Variants in PCDH15 observed in about 807,000 individuals in gnomAD.
PCDH15 encodes protocadherin related 15, also known as protocadherin-15.
A neutral mutation model predicts 178.5 loss-of-function variants in PCDH15; 129 were observed. That is an observed-to-expected ratio of 0.72 (90% CI 0.63 to 0.84). PCDH15 has a LOEUF of 0.84. PCDH15 is among the 40% of genes least tolerant of loss of function. The pLI, the probability that PCDH15 is intolerant of heterozygous loss-of-function variation, is 0.00. For synonymous variants in PCDH15, 800 were observed against 732.0 expected, an observed-to-expected ratio of 1.09 and a Z score of -1.50; for missense variants, 2,230 against 2,099.9, an observed-to-expected ratio of 1.06 and a Z score of -1.21.
chr10:55,438,084 C>G (rs1249587978), intron 2 of PCDH15, among the ~76,000 whole-genome samples: 4 of 152,058 alleles, frequency 2.6e-5, no homozygotes, highest in Middle Eastern at 3.4e-3. Context: ...ATCCTCCTAC[C>G]TCAGCCTCCC....
intron 21 of PCDH15, among the ~76,000 whole-genome samples, chr10:53,977,445 C>T (rs1564911321): frequency 1.3e-5 from 2 of 152,322 alleles, no homozygotes; most frequent in East Asian, 3.9e-4. Context: ...CAAGCTTGAT[C>T]CTAGACCAAA....
chr10:54,833,571 C>A (rs745876278), intron 3 of PCDH15, among the ~76,000 whole-genome samples: 2 of 152,158 alleles, frequency 1.3e-5, no homozygotes, highest in Non-Finnish European at 2.9e-5. Context: ...TAACTTTTGT[C>A]TGAATTTTCA....
Position 53,978,470 on chromosome 10 carries a change from G to A in PCDH15, c.2869-16578C>T, listed in dbSNP as rs571047423. Among the ~76,000 whole-genome samples the A allele has an allele frequency of 4.6e-5, 7 of 152,098 alleles. No homozygotes were observed. The South Asian group carries it at 1.5e-3, about 32-fold the overall frequency. On this transcript the variant is annotated intron_variant, in intron 21 of 37. Transcript: ENST00000644397. ...GTCCTGAGGCTATACACAGCAGGGG[G>A]GTCCCTGGACCCAGCCCAGGAAACC...
chr10:54,717,578 T>G (rs1187659001), intron 1 of PCDH15, among the ~76,000 whole-genome samples: 1 of 139,550 alleles, frequency 7.2e-6, no homozygotes, highest in African/African-American at 2.7e-5. Context: ...CTCACACCAG[T>G]TAGAATGGCA....
chr10:53,824,152 A>T (rs946576130), intron 32 of PCDH15, among the ~76,000 whole-genome samples: 53 of 152,262 alleles, frequency 3.5e-4, no homozygotes, highest in African/African-American at 1.2e-3. Flanking sequence ...GCTAAAAAAA[A>T]AAATCACTTT....
At chr10:54,356,504 C>T (rs116813857) in intron 5 of PCDH15, among the ~76,000 whole-genome samples, 2,650 of 151,384 alleles carry the variant, frequency 0.018, 84 homozygotes, top group African/African-American at 0.061. Context: ...ATATAGTATA[C>T]ATTATATATA....
intron 3 of PCDH15, among the ~76,000 whole-genome samples, chr10:54,469,526 G>C (rs533216289): frequency 6.6e-6 from 1 of 152,284 alleles, no homozygotes; most frequent in African/African-American, 2.4e-5. Context: ...ATACATGCAG[G>C]TGGTGGTGAA....
At chr10:55,533,883 T>C (rs776612343) in intron 2 of PCDH15, among the ~76,000 whole-genome samples, 10 of 151,836 alleles carry the variant, frequency 6.6e-5, no homozygotes, top group Non-Finnish European at 1.3e-4. Flanking sequence ...CAAAAACAGA[T>C]ACATAGACCA....
chr10:54,429,192 CAAGTGTAGAAT>C (rs1956658752), intron 3 of PCDH15, among the ~76,000 whole-genome samples: 1 of 152,042 alleles, frequency 6.6e-6, no homozygotes, highest in Non-Finnish European at 1.5e-5. Flanking sequence ...GGGAGATTTT[CAAGTGTAGAAT>C]TTTTATTAGG....
In PCDH15 at chr10:53,970,512, A is replaced by T. The variant is rs573035451; in HGVS notation, c.2869-8620T>A. 1.2e-3 allele frequency among the ~76,000 whole-genome samples: 175 copies of T among 142,924 alleles called. 1 individual carries two copies. Among genetic ancestry groups the T allele is most frequent in the South Asian group, 4.6e-3 (21 of 4,558 alleles). The allele number at this position is 142,924 out of a possible 152,430, so 93.8% of individuals were successfully genotyped here. On this transcript the variant is annotated intron_variant, in intron 21 of 37. Coordinates refer to ENST00000644397, the MANE Select transcript of PCDH15 (RefSeq NM_001384140.1). Reference sequence around the variant, plus strand: ...ATGAATCCAGGAGCTGTTTTTTTTTAAAAAATCAACTAAATTGATAGACTG... The same window carrying T: ...ATGAATCCAGGAGCTGTTTTTTTTTTAAAAATCAACTAAATTGATAGACTG...
rs767787349 is a variant in PCDH15, at chr10:53,808,945, C to T, written c.4671+1611G>A. ...TGTACTTTCTTCCACAGGGGCTGGT[C>T]CACTTTCTTCTTCTTCTGAGTGTTC... On this transcript the variant is annotated intron_variant, in intron 37 of 37. Coordinates refer to ENST00000644397, the MANE Select transcript of PCDH15 (RefSeq NM_001384140.1). The T allele has an allele frequency of 1.0e-5, 16 of 1,560,178 alleles. No individual in the cohort carries two copies. The Admixed American group carries it at 1.6e-4, about 15-fold the overall frequency.
intron 8 of PCDH15, among the ~76,000 whole-genome samples, chr10:54,309,044 T>C (rs1186494384): frequency 1.3e-5 from 2 of 152,030 alleles, no homozygotes; most frequent in African/African-American, 2.4e-5. Context: ...CCCTCTTCAT[T>C]GATCACTTTG....
chr10:53,947,512 T>C (rs1374440395), intron 23 of PCDH15, among the ~76,000 whole-genome samples: 1 of 152,010 alleles, frequency 6.6e-6, no homozygotes, highest in Non-Finnish European at 1.5e-5. Flanking sequence ...ACTGTTTTTC[T>C]ACCTACTATG....
chr10:55,053,687 C>T (rs1235994774), intron 2 of PCDH15, among the ~76,000 whole-genome samples: 2 of 152,072 alleles, frequency 1.3e-5, no homozygotes, highest in Non-Finnish European at 2.9e-5. Flanking sequence ...TACTCTGAGC[C>T]TCAGTTTCTT....
At chr10:53,972,065 G>A (rs1328211947) in intron 21 of PCDH15, among the ~76,000 whole-genome samples, 2 of 152,122 alleles carry the variant, frequency 1.3e-5, no homozygotes, top group Non-Finnish European at 2.9e-5. Context: ...ACCAAAAACA[G>A]CATGATACTG....
chr10:55,416,557 CA>C (rs1355657911), intron 2 of PCDH15, among the ~76,000 whole-genome samples: 2 of 151,548 alleles, frequency 1.3e-5, no homozygotes, highest in Non-Finnish European at 1.5e-5. Flanking sequence ...GGGTGGGTAT[CA>C]GGGGAATCAT....
chr10:54,723,492 T>A (rs1941986854), intron 1 of PCDH15, among the ~76,000 whole-genome samples: 1 of 151,710 alleles, frequency 6.6e-6, no homozygotes, highest in African/African-American at 2.4e-5. Context: ...CCTTAGCAAA[T>A]AATTTATAAT....
intron 10 of PCDH15, among the ~76,000 whole-genome samples, chr10:54,212,620 T>G (rs557959299): frequency 6.6e-6 from 1 of 152,188 alleles, no homozygotes; most frequent in Non-Finnish European, 1.5e-5. Context: ...TCGTTACCGC[T>G]TTTTACACGT....
intron 2 of PCDH15, among the ~76,000 whole-genome samples, chr10:55,542,083 G>A (rs1403161475): frequency 6.9e-6 from 1 of 144,728 alleles, no homozygotes; most frequent in Non-Finnish European, 1.6e-5. Context: ...TACCAAAACA[G>A]ACAAATATGG....
Sources: allele counts gnomAD v4.1 joint callset (sites outside exome capture counted in the v4.1 genomes callset), GRCh38; gene constraint gnomAD v4.1.1; transcripts MANE v1.5; gene names NCBI Gene and HGNC (gene_info 2026-07-23, HGNC 2026-07-21).